Variants in PTPRO observed in about 807,000 individuals in gnomAD.
PTPRO encodes the protein receptor-type tyrosine-protein phosphatase O.
A neutral mutation model predicts 145.2 loss-of-function variants in PTPRO; 62 were observed. That is an observed-to-expected ratio of 0.43 (90% CI 0.35 to 0.53). The LOEUF (loss-of-function observed/expected upper bound fraction) is 0.53. Among genes scored for constraint, PTPRO ranks in the 20% least tolerant of loss-of-function variants. The pLI, the probability that PTPRO is intolerant of heterozygous loss-of-function variation, is 0.01. For missense variants in PTPRO, 1,345 were observed against 1,482.7 expected (o/e 0.91, Z 1.53); for synonymous variants, 565 against 514.7 (o/e 1.10, Z -1.32).
At chr12:15,469,787 A>AT (rs1941499274) in intron 1 of PTPRO, among the ~76,000 whole-genome samples, 1 of 151,396 alleles carries the variant, frequency 6.6e-6, no homozygotes, top group African/African-American at 2.4e-5. Context: ...AAAAAAAAAA[A>AT]TACAGCTTCT....
chr12:15,488,907 A>G (rs1327906529), intron 2 of PTPRO, among the ~76,000 whole-genome samples: 1 of 152,170 alleles, frequency 6.6e-6, no homozygotes, highest in Non-Finnish European at 1.5e-5. Context: ...GATGCCTGGA[A>G]TCAGTTCCTT....
chr12:15,499,834 T>C (rs1429601872), intron 4 of PTPRO, among the ~76,000 whole-genome samples: 1 of 152,168 alleles, frequency 6.6e-6, no homozygotes, highest in African/African-American at 2.4e-5. Context: ...AAAGCTACTA[T>C]ACTATTACCA....
At chr12:15,352,810 T>G (rs984072031) in intron 1 of PTPRO, among the ~76,000 whole-genome samples, 2 of 152,122 alleles carry the variant, frequency 1.3e-5, no homozygotes, top group Admixed American at 6.5e-5. Context: ...ATTGGAAGAA[T>G]AGCTTACATA....
rs1163879810 is a variant in PTPRO at position 15,516,872 on chromosome 12, G to A, written c.1695G>A (p.Met565Ile). 1.2e-6 allele frequency: 2 copies of A among 1,612,804 alleles called. No individual in the cohort carries two copies. Among genetic ancestry groups the A allele is most frequent in the Non-Finnish European group, 1.7e-6 (2 of 1,178,762 alleles). ...TGTTCAGAAAATACGTGGTTGAAATGTTTTATTTCAACCCTGCTACAATGA... is the reference window on the plus strand; with the variant it reads ...TGTTCAGAAAATACGTGGTTGAAATATTTTATTTCAACCCTGCTACAATGA... Reference protein sequence around the residue: ...LGVFRKYVVEMFYFNPATMTS... With the variant: ...LGVFRKYVVEIFYFNPATMTS... Residue 565 changes from methionine (M) to isoleucine (I), a missense_variant, in exon 9 of 27, where the codon ATG becomes ATA. Around this residue, in one of 3 missense-constraint regions of PTPRO, gnomAD observed 1,130 missense variants for 1,214.7 expected, o/e 0.93. Coordinates refer to ENST00000281171, the MANE Select transcript of PTPRO (RefSeq NM_030667.3).
chr12:15,551,449 CG>C, intron 14 of PTPRO, 101 bp from the exon 15 acceptor site: 1 of 1,413,112 alleles, frequency 7.1e-7, no homozygotes, highest in Non-Finnish European at 9.9e-7. Context: ...TTGGTATCAT[CG>C]TAAGCTCACT....
intron 1 of PTPRO, among the ~76,000 whole-genome samples, chr12:15,370,185 G>A (rs867890147): frequency 2.4e-4 from 37 of 152,142 alleles, no homozygotes; most frequent in African/African-American, 8.9e-4. Flanking sequence ...GATATTCACA[G>A]AAACTAGTAC....
At chr12:15,511,634 T>C (rs9971788) in intron 7 of PTPRO, among the ~76,000 whole-genome samples, 105,361 of 151,566 alleles carry the variant, frequency 0.7, 36,998 homozygotes, top group Admixed American at 0.74. Context: ...GTCATGATCT[T>C]GGCTCACTGC....
At chr12:15,504,842 T>A (rs1413922355) in intron 6 of PTPRO, among the ~76,000 whole-genome samples, 1 of 152,344 alleles carries the variant, frequency 6.6e-6, no homozygotes, top group African/African-American at 2.4e-5. Context: ...AAATACCACC[T>A]TTCGTTGAAG....
chr12:15,485,466 T>C (rs1416408763), intron 2 of PTPRO, among the ~76,000 whole-genome samples: 2 of 152,196 alleles, frequency 1.3e-5, no homozygotes, highest in African/African-American at 4.8e-5. Flanking sequence ...TCAAAAGCTC[T>C]GTCTTACTTA....
At chr12:15,337,636 T>A (rs527591869) in intron 1 of PTPRO, among the ~76,000 whole-genome samples, 25 of 152,284 alleles carry the variant, frequency 1.6e-4, no homozygotes, top group African/African-American at 5.1e-4. Context: ...TCCTAGAAAC[T>A]TCCTACTAGC....
chr12:15,479,189 A>T (rs892695687), intron 1 of PTPRO, among the ~76,000 whole-genome samples: 1 of 152,160 alleles, frequency 6.6e-6, no homozygotes, highest in Non-Finnish European at 1.5e-5. Flanking sequence ...TAACCGTCAG[A>T]TACTATCATC....
chr12:15,330,563 T>C (rs1866579656), intron 1 of PTPRO, among the ~76,000 whole-genome samples: 1 of 152,168 alleles, frequency 6.6e-6, no homozygotes, highest in Non-Finnish European at 1.5e-5. Flanking sequence ...GTTTGGCCAA[T>C]AGAAGGCACT....
chr12:15,454,619 C>T (rs900060626), intron 1 of PTPRO, among the ~76,000 whole-genome samples: 2 of 152,124 alleles, frequency 1.3e-5, no homozygotes, highest in African/African-American at 4.8e-5. Context: ...CCTTGTGTTG[C>T]CTATGTTTTT....
intron 7 of PTPRO, among the ~76,000 whole-genome samples, chr12:15,515,072 T>C (rs556460379): frequency 4.5e-4 from 68 of 152,278 alleles, no homozygotes; most frequent in Admixed American, 1.2e-3. Context: ...GTGGTCATTT[T>C]CATTTCTATA....
chr12:15,352,604 C>T (rs567178054), intron 1 of PTPRO, among the ~76,000 whole-genome samples: 4 of 145,352 alleles, frequency 2.8e-5, no homozygotes, highest in Non-Finnish European at 4.5e-5. Flanking sequence ...GAGCCGGGAT[C>T]GCACCACTGC....
At chr12:15,449,619 G>A (rs932145734) in intron 1 of PTPRO, among the ~76,000 whole-genome samples, 1 of 152,180 alleles carries the variant, frequency 6.6e-6, no homozygotes, top group African/African-American at 2.4e-5. Flanking sequence ...TATGGAAAGT[G>A]ATGGATATGT....
chr12:15,393,671 T>A (rs1939254963), intron 1 of PTPRO, among the ~76,000 whole-genome samples: 1 of 152,040 alleles, frequency 6.6e-6, no homozygotes, highest in Non-Finnish European at 1.5e-5. Flanking sequence ...TAAGTTTGTC[T>A]TCTGCAACAT....
At chr12:15,350,041 T>C (rs1937747551) in intron 1 of PTPRO, among the ~76,000 whole-genome samples, 1 of 152,168 alleles carries the variant, frequency 6.6e-6, no homozygotes, top group African/African-American at 2.4e-5. Flanking sequence ...GAATTTAGAA[T>C]TGGGACATGG....
At chr12:15,506,148 T>G (rs1191875936) in intron 6 of PTPRO, among the ~76,000 whole-genome samples, 1 of 152,178 alleles carries the variant, frequency 6.6e-6, no homozygotes, top group Non-Finnish European at 1.5e-5. Flanking sequence ...AATAATTGAA[T>G]TTGTTTTGCT....
Sources: gnomAD v4.1 joint callset for allele counts (sites outside exome capture counted in the v4.1 genomes callset) on GRCh38, gnomAD v4.1.1 for gene constraint, gnomAD v4.1.1 regional missense constraint, MANE v1.5 for transcripts, NCBI Gene and HGNC (gene_info 2026-07-23, HGNC 2026-07-21) for gene names.